ULK4: variants seen among roughly 807,000 people sequenced by gnomAD.
The protein encoded by ULK4 is inactive serine/threonine-protein kinase ULK4.
A neutral mutation model predicts 160.6 loss-of-function variants in ULK4; 133 were observed. That is an observed-to-expected ratio of 0.83 (90% CI 0.72 to 0.96). The LOEUF is 0.96. Among genes scored for constraint, ULK4 ranks in the 40% least tolerant of loss-of-function variants. The probability of loss-of-function intolerance (pLI) is 0.00; values close to 1 mark genes in which losing one functional copy is unlikely to be tolerated. For synonymous variants in ULK4, 534 were observed against 539.8 expected (o/e 0.99, Z 0.15); for missense variants, 1,580 against 1,499.5 (o/e 1.05, Z -0.89).
intron 18 of ULK4, among the ~76,000 whole-genome samples, chr3:41,829,621 C>T (rs1276701433): frequency 6.6e-6 from 1 of 152,066 alleles, no homozygotes; most frequent in Non-Finnish European, 1.5e-5. Flanking sequence ...GTTAGAATGG[C>T]AATCATTAAA....
chr3:41,565,076 C>G (rs1484493361), intron 32 of ULK4, among the ~76,000 whole-genome samples: 1 of 152,192 alleles, frequency 6.6e-6, no homozygotes, highest in Non-Finnish European at 1.5e-5. Context: ...GGTTTGTAGT[C>G]TACGGGCAAT....
At chr3:41,372,423 C>T (rs1243608523) in intron 35 of ULK4, among the ~76,000 whole-genome samples, 1 of 152,142 alleles carries the variant, frequency 6.6e-6, no homozygotes, top group Non-Finnish European at 1.5e-5. Flanking sequence ...CAAAGGGAAG[C>T]CCATCAGACT....
At chr3:41,347,068 C>G (rs569745971) in intron 35 of ULK4, among the ~76,000 whole-genome samples, 2 of 138,358 alleles carry the variant, frequency 1.4e-5, no homozygotes, top group African/African-American at 5.7e-5. Context: ...AACAAATATT[C>G]AGGAAAAAAA....
At chr3:41,792,735 A>T (rs1189512284) in intron 20 of ULK4, among the ~76,000 whole-genome samples, 1 of 152,256 alleles carries the variant, frequency 6.6e-6, no homozygotes, top group Non-Finnish European at 1.5e-5. Flanking sequence ...ACTTCTAAAT[A>T]TCAAACTCAC....
intron 32 of ULK4, among the ~76,000 whole-genome samples, chr3:41,474,207 T>C (rs2084074508): frequency 1.3e-5 from 2 of 152,104 alleles, no homozygotes; most frequent in Non-Finnish European, 2.9e-5. Context: ...ATGAAACACA[T>C]GTGTAGCCAA....
rs9880063 is a variant in ULK4 at position 41,839,068 on chromosome 3, G to A, written c.1657-3097C>T. On this transcript the variant is annotated intron_variant, in intron 17 of 36. Transcript: ENST00000301831. ...CAATTGCTGAAAGAGTAGATTTTAC[G>A]GCCAGGCAAGGTGGCTCATTCCTGT... Among the ~76,000 whole-genome samples the A allele has an allele frequency of 7.7e-3, 1,175 of 152,192 alleles. 20 individuals carry two copies. Among genetic ancestry groups the A allele is most frequent in the African/African-American group, 0.026 (1,076 of 41,514 alleles).
chr3:41,747,368 G>A (rs1161240242), intron 22 of ULK4, among the ~76,000 whole-genome samples: 1 of 151,880 alleles, frequency 6.6e-6, no homozygotes, highest in Admixed American at 6.6e-5. Flanking sequence ...AGAAGTCTCT[G>A]ATAACTTCCT....
chr3:41,453,070 T>A (rs1325253442), intron 34 of ULK4, among the ~76,000 whole-genome samples: 1 of 152,162 alleles, frequency 6.6e-6, no homozygotes, highest in Non-Finnish European at 1.5e-5. Context: ...GATGGGCCTA[T>A]GTCATAAGGA....
chr3:41,756,548 T>C (rs1273119204), intron 21 of ULK4, among the ~76,000 whole-genome samples: 2 of 152,022 alleles, frequency 1.3e-5, no homozygotes, highest in Admixed American at 6.6e-5. Context: ...GATGAGAACA[T>C]TGAACAAAGG....
chr3:41,366,359 T>C (rs1483201515), intron 35 of ULK4, among the ~76,000 whole-genome samples: 1 of 152,178 alleles, frequency 6.6e-6, no homozygotes, highest in Non-Finnish European at 1.5e-5. Context: ...GGTCTTTAAT[T>C]TATATATTAT....
intron 32 of ULK4, among the ~76,000 whole-genome samples, chr3:41,481,454 C>T (rs765739771): frequency 6.6e-6 from 1 of 152,168 alleles, no homozygotes; most frequent in Non-Finnish European, 1.5e-5. Context: ...TAGATATTTA[C>T]AGTTAAAGGA....
intron 30 of ULK4, among the ~76,000 whole-genome samples, chr3:41,646,149 C>G (rs970551561): frequency 6.6e-6 from 1 of 152,154 alleles, no homozygotes; most frequent in Admixed American, 6.5e-5. Flanking sequence ...TTTATCCAAT[C>G]TGCCAGTCTG....
chr3:41,641,339 T>C (rs955907014), intron 30 of ULK4, among the ~76,000 whole-genome samples: 4 of 152,124 alleles, frequency 2.6e-5, no homozygotes, highest in South Asian at 2.1e-4. Context: ...AGGGGCTAAG[T>C]TGTCGAGGTA....
chr3:41,557,750 A>G (rs1795357), intron 32 of ULK4, among the ~76,000 whole-genome samples: 74,568 of 151,534 alleles, frequency 0.49, 18,588 homozygotes, highest in Middle Eastern at 0.59. Flanking sequence ...GGGTAACACA[A>G]GGAGACTCTG....
At chr3:41,345,669 T>C (rs952289145) in intron 35 of ULK4, among the ~76,000 whole-genome samples, 4 of 152,092 alleles carry the variant, frequency 2.6e-5, no homozygotes, top group African/African-American at 9.7e-5. Flanking sequence ...GAATAGCTAA[T>C]AGATGCTGGG....
chr3:41,774,313 A>T (rs2039520321), intron 21 of ULK4, among the ~76,000 whole-genome samples: 1 of 150,548 alleles, frequency 6.6e-6, no homozygotes, highest in Non-Finnish European at 1.5e-5. Context: ...AAATTTTTGC[A>T]ACCTACTCAT....
chr3:41,571,279 T>C (rs2087963568), intron 31 of ULK4, among the ~76,000 whole-genome samples: 1 of 152,212 alleles, frequency 6.6e-6, no homozygotes, highest in South Asian at 2.1e-4. Context: ...CATGGTTCTC[T>C]AGGTGAAATA....
In ULK4 at chr3:41,878,675, T is replaced by TAAAAAA. The variant is rs33987084; in HGVS notation, c.1656+5193_1656+5198dup. Among the ~76,000 whole-genome samples the TAAAAAA allele has an allele frequency of 7.9e-3, 757 of 95,842 alleles. 15 individuals carry two copies. In the East Asian group the frequency reaches 0.08, roughly 10 times the overall value. 62.9% of individuals were successfully genotyped at this position (95,842 alleles called of 152,430 possible). On this transcript the variant is annotated intron_variant, in intron 17 of 36. Transcript: ENST00000301831. Reference sequence around the variant, plus strand: ...AATAATCGATTGATGTTAAAACTGTTAAAAAAAAAAAAAAAAAAAAAGAGT... The same window carrying TAAAAAA: ...AATAATCGATTGATGTTAAAACTGTTAAAAAAAAAAAAAAAAAAAAAAAAAAAGAGT...
intron 35 of ULK4, among the ~76,000 whole-genome samples, chr3:41,319,607 C>T (rs1463185224): frequency 6.6e-6 from 1 of 152,176 alleles, no homozygotes; most frequent in Non-Finnish European, 1.5e-5. Context: ...GTCCAATCTG[C>T]CAAAGCAAAG....
Sources: gnomAD v4.1 joint callset for allele counts (sites outside exome capture counted in the v4.1 genomes callset) on GRCh38, gnomAD v4.1.1 for gene constraint, MANE v1.5 for transcripts, NCBI Gene and HGNC (gene_info 2026-07-23, HGNC 2026-07-21) for gene names.